The following IGSF11 variants were observed in gnomAD, a reference collection of about 807,000 sequenced individuals.
The protein encoded by IGSF11 is CXADR like 1.
Under a neutral mutation model 41.0 loss-of-function variants are expected in IGSF11, and 22 were observed. That is an observed-to-expected ratio of 0.54 (90% CI 0.38 to 0.77). The LOEUF (loss-of-function observed/expected upper bound fraction) is 0.77, where lower values mean the gene tolerates loss of function less well. IGSF11 is among the 30% of genes least tolerant of loss of function. The pLI, the probability that IGSF11 is intolerant of heterozygous loss-of-function variation, is 0.00. For synonymous variants in IGSF11, 219 were observed against 201.3 expected, an observed-to-expected ratio of 1.09 and a Z score of -0.74; for missense variants, 444 against 530.8, an observed-to-expected ratio of 0.84 and a Z score of 1.61.
At chr3:119,001,563 T>C (rs1003532221) in intron 1 of IGSF11, among the ~76,000 whole-genome samples, 1 of 145,170 alleles carries the variant, frequency 6.9e-6, no homozygotes, top group Non-Finnish European at 1.5e-5. Context: ...GCTGGTGCGC[T>C]GCACCCACTA....
At chr3:119,057,157 C>A (rs1576743162) in intron 1 of IGSF11, among the ~76,000 whole-genome samples, 2 of 152,058 alleles carry the variant, frequency 1.3e-5, no homozygotes, top group Admixed American at 1.3e-4. Context: ...AAAGGGTATT[C>A]AATTAGGAAA....
chr3:119,080,173 TCTCTAAA>T (rs1319513831), intron 1 of IGSF11, among the ~76,000 whole-genome samples: 1 of 152,218 alleles, frequency 6.6e-6, no homozygotes. Context: ...TACATATGAC[TCTCTAAA>T]CTGCTTAGCT....
Position 118,900,773 on chromosome 3 carries a change from A to G in IGSF11, c.*1747T>C, listed in dbSNP as rs1177032156. ...ACTTTTCTTTATAAAAAGTATAGAC[A>G]TTCATTTATTTAAATTTTTACAAAG... On this transcript the variant is annotated 3_prime_UTR_variant, in exon 7 of 7. Transcript: ENST00000393775. 3.3e-5 allele frequency: 5 copies of G among 152,628 alleles called. No homozygotes were observed. Among genetic ancestry groups the G allele is most frequent in the African/African-American group, 1.2e-4 (5 of 41,456 alleles). The allele number at this position is 152,628 out of a possible 1,614,324, so 9.5% of individuals were successfully genotyped here. A position where few individuals can be genotyped will look rare whatever the true frequency, so the allele number is the denominator to read the frequency against.
At chr3:119,040,451 T>G (rs1941076689) in intron 1 of IGSF11, among the ~76,000 whole-genome samples, 2 of 152,158 alleles carry the variant, frequency 1.3e-5, no homozygotes, top group African/African-American at 2.4e-5. Context: ...CTTTCTCTAT[T>G]GCAATTCCCC....
chr3:118,953,614 TATCGC>T (rs1399954248), intron 1 of IGSF11, among the ~76,000 whole-genome samples: 5 of 152,222 alleles, frequency 3.3e-5, no homozygotes, highest in African/African-American at 1.2e-4. Context: ...AGTAACATGG[TATCGC>T]ATTGTGGTAT....
At chr3:119,118,545 C>T (rs148185974) in intron 1 of IGSF11, among the ~76,000 whole-genome samples, 1 of 152,230 alleles carries the variant, frequency 6.6e-6, no homozygotes, top group Non-Finnish European at 1.5e-5. Flanking sequence ...CTCCAGGCCT[C>T]TGATGGGAGG....
intron 1 of IGSF11, among the ~76,000 whole-genome samples, chr3:119,022,703 C>T (rs1159709829): frequency 6.6e-6 from 1 of 152,094 alleles, no homozygotes; most frequent in South Asian, 2.1e-4. Context: ...ATGCACCTAT[C>T]AGAATGGCTG....
chr3:119,022,200 T>C (rs1056837054), intron 1 of IGSF11, among the ~76,000 whole-genome samples: 1 of 152,214 alleles, frequency 6.6e-6, no homozygotes, highest in Non-Finnish European at 1.5e-5. Context: ...TTTTGTATAA[T>C]TCTACTTATA....
upstream of IGSF11, among the ~76,000 whole-genome samples, chr3:119,039,199 A>G (rs966698405): frequency 6.6e-6 from 1 of 152,224 alleles, no homozygotes; most frequent in Non-Finnish European, 1.5e-5. Context: ...AAAACAACAC[A>G]AATGTGTTAT....
chr3:118,913,339 T>A (rs1010911546), intron 4 of IGSF11, among the ~76,000 whole-genome samples: 1 of 152,096 alleles, frequency 6.6e-6, no homozygotes, highest in Non-Finnish European at 1.5e-5. Context: ...CACAAGCCCA[T>A]AGCAGGATTA....
chr3:119,034,516 G>A lies in IGSF11; in HGVS notation c.52+15C>T. On this transcript the variant is annotated intron_variant, in intron 1 of 6. Coordinates refer to ENST00000393775, the MANE Select transcript of IGSF11 (RefSeq NM_001015887.3). ...GGCCTGGCCCCACCGGGAAGAAAGG[G>A]CTGGAGCTACTCACCGTGCAGAGAG... The A allele has an allele frequency of 6.4e-7, 1 of 1,567,830 alleles. No individual in the cohort carries two copies.
intron 1 of IGSF11, among the ~76,000 whole-genome samples, chr3:119,071,488 G>C (rs2076398813): frequency 6.6e-6 from 1 of 151,970 alleles, no homozygotes; most frequent in African/African-American, 2.4e-5. Context: ...TCAATTTTGA[G>C]CTAATTTTTG....
chr3:118,948,275 A>T (rs1481082067), intron 1 of IGSF11: 1 of 152,226 alleles, frequency 6.6e-6, no homozygotes, highest in East Asian at 1.9e-4. Context: ...AAATTACTAT[A>T]AGAATTCAAC....
chr3:119,040,281 C>T (rs904071509), intron 1 of IGSF11, among the ~76,000 whole-genome samples: 4 of 152,162 alleles, frequency 2.6e-5, no homozygotes, highest in Non-Finnish European at 5.9e-5. Flanking sequence ...CTTTGACTCA[C>T]TATAATTTCA....
intron 1 of IGSF11, among the ~76,000 whole-genome samples, chr3:119,047,935 T>G (rs1178890705): frequency 6.6e-6 from 1 of 152,148 alleles, no homozygotes. Flanking sequence ...AATAAAGATG[T>G]TCTTTGAAAC....
chr3:118,992,740 A>C (rs1454689097), intron 1 of IGSF11, among the ~76,000 whole-genome samples: 1 of 152,256 alleles, frequency 6.6e-6, no homozygotes, highest in Non-Finnish European at 1.5e-5. Context: ...ACTGGAGTTA[A>C]AGCACTTATT....
At position 119,079,536 on chromosome 3, in the gene IGSF11, T is replaced by C. The variant is rs954563287; in HGVS notation, c.49+25608A>G. Among the ~76,000 whole-genome samples the C allele has an allele frequency of 3.3e-5, 5 of 152,304 alleles. 1 individual carries two copies. Among genetic ancestry groups the C allele is most frequent in the East Asian group, 3.9e-4 (2 of 5,186 alleles). ...AACCCAGCAATCCCATTACTGTGTA[T>C]ATACCCAAAGGAATATAAATCATTC... is the stretch of plus-strand genomic sequence containing the variant. On this transcript the variant is annotated intron_variant, in intron 1 of 6. Coordinates refer to the IGSF11 transcript ENST00000354673.
chr3:119,115,029 A>G (rs1453353404), intron 1 of IGSF11, among the ~76,000 whole-genome samples: 1 of 152,168 alleles, frequency 6.6e-6, no homozygotes, highest in Non-Finnish European at 1.5e-5. Flanking sequence ...GATCTCAGTC[A>G]CTATCACAAG....
chr3:119,132,641 C>T (rs1018993111), intron 1 of IGSF11, among the ~76,000 whole-genome samples: 3 of 152,158 alleles, frequency 2.0e-5, no homozygotes, highest in African/African-American at 4.8e-5. Context: ...TAACATCCCA[C>T]TGTCAATAGT....
Sources: gnomAD v4.1 joint callset for allele counts (sites outside exome capture counted in the v4.1 genomes callset) on GRCh38, gnomAD v4.1.1 for gene constraint, MANE v1.5 for transcripts, NCBI Gene and HGNC (gene_info 2026-07-23, HGNC 2026-07-21) for gene names.